TRMU: variants seen among roughly 807,000 people sequenced by gnomAD.
TRMU encodes the protein tRNA mitochondrial 2-thiouridylase.
In TRMU, 49 loss-of-function variants were observed where a neutral mutation model predicts 46.9. The observed-to-expected ratio is 1.05, with a 90% CI of 0.83 to 1.33. The LOEUF (loss-of-function observed/expected upper bound fraction) is 1.33, where lower values mean the gene tolerates loss of function less well. Ranked by LOEUF, TRMU falls within the 40% of genes most tolerant of loss-of-function variation. The pLI is 0.00. For synonymous variants in TRMU, 241 were observed against 200.9 expected, an observed-to-expected ratio of 1.20 and a Z score of -1.69; for missense variants, 572 against 532.4, an observed-to-expected ratio of 1.07 and a Z score of -0.73.
rs1410068936 is a variant in TRMU, at chr22:46,348,625, C to G, written c.479-1666C>G. ...CGGCAGCCGGCGTGTCAGTGAGGCT[C>G]CAGCACAGGCAGCCTCCTCCAAATG... On this transcript the variant is annotated intron_variant, in intron 4 of 10. Transcript: ENST00000645190. The surrounding 1 kb of genome is among the most constrained non-coding windows in gnomAD (Gnocchi z 4.8). 6.6e-6 allele frequency among the ~76,000 whole-genome samples: 1 copy of G among 152,248 alleles called. No individual in the cohort carries two copies. The highest frequency in any genetic ancestry group is 1.9e-4 in the East Asian group (1 of 5,200).
rs2078356070 is a variant in TRMU at position 46,349,731 on chromosome 22, C to G, written c.479-560C>G. On this transcript the variant is annotated intron_variant, in intron 4 of 10. Coordinates refer to ENST00000645190, the MANE Select transcript of TRMU (RefSeq NM_018006.5). This position sits in a 1 kb window ranked among gnomAD's most constrained non-coding sequence, Gnocchi z 4.6. Reference sequence around the variant, plus strand: ...AACTGCAGGGTCACCTAACAGATGTCAGCTGAGACTCTCAACAAAAAAACG... The same window carrying G: ...AACTGCAGGGTCACCTAACAGATGTGAGCTGAGACTCTCAACAAAAAAACG... 1.3e-5 allele frequency among the ~76,000 whole-genome samples: 2 copies of G among 152,206 alleles called. No homozygotes were observed. The highest frequency in any genetic ancestry group is 4.8e-5 in the African/African-American group (2 of 41,444).
At position 46,347,852 on chromosome 22, in the gene TRMU, C is replaced by A. The variant is rs1569074197; in HGVS notation, c.478+1308C>A. Among the ~76,000 whole-genome samples, 1 of 152,210 alleles carries A rather than the reference C, an allele frequency of 6.6e-6. No homozygotes were observed. Among genetic ancestry groups the A allele is most frequent in the Non-Finnish European group, 1.5e-5 (1 of 68,022 alleles). ...GGCCCCAGCTGAGTTCTTTCCTCAG[C>A]GTTGCTGAGCCCATCCTGAAGGCTG... On this transcript the variant is annotated intron_variant, in intron 4 of 10. Coordinates refer to ENST00000645190, the MANE Select transcript of TRMU (RefSeq NM_018006.5). The surrounding 1 kb of genome is among the most constrained non-coding windows in gnomAD (Gnocchi z 5.0).
chr22:46,357,208 A>G lies in TRMU; in HGVS notation c.*202A>G, dbSNP rs530423000. ...AGGCTGGGGCTCTGGCTGCTGGAGC[A>G]TCTGCTGGCTGGTGGGGTGGCCCGA... is the stretch of plus-strand genomic sequence containing the variant. On this transcript the variant is annotated 3_prime_UTR_variant, in exon 11 of 11. Transcript: ENST00000645190. The G allele has an allele frequency of 7.9e-4, 552 of 697,530 alleles. 1 individual carries two copies. In the African/African-American group the frequency reaches 8.2e-3, roughly 10 times the overall value. 43.2% of individuals were successfully genotyped at this position (697,530 alleles called of 1,614,324 possible). A position where few individuals can be genotyped will look rare whatever the true frequency, so the allele number is the denominator to read the frequency against.
Position 46,348,702 on chromosome 22 carries a change from C to T in TRMU, c.479-1589C>T, listed in dbSNP as rs1259524186. Reference sequence around the variant, plus strand: ...CTCTATAGCAGTTCAGTTAGGGTCGCCAGCTTGCTTTTTTGAAAATCATAG... The same window carrying T: ...CTCTATAGCAGTTCAGTTAGGGTCGTCAGCTTGCTTTTTTGAAAATCATAG... On this transcript the variant is annotated intron_variant, in intron 4 of 10. Coordinates refer to ENST00000645190, the MANE Select transcript of TRMU (RefSeq NM_018006.5). This position sits in a 1 kb window ranked among gnomAD's most constrained non-coding sequence, Gnocchi z 4.8. Among the ~76,000 whole-genome samples, 1 of 152,222 alleles carries T rather than the reference C, an allele frequency of 6.6e-6. No homozygotes were observed. Among genetic ancestry groups the T allele is most frequent in the African/African-American group, 2.4e-5 (1 of 41,454 alleles).
intron 3 of TRMU, among the ~76,000 whole-genome samples, chr22:46,343,904 A>G (rs1312175709): frequency 1.3e-5 from 2 of 152,146 alleles, no homozygotes; most frequent in East Asian, 3.8e-4. Flanking sequence ...GGGGCCCAGT[A>G]GTGTCGGCAC....
At position 46,351,470 on chromosome 22, in the gene TRMU, G is replaced by A. The variant is rs757327439; in HGVS notation, c.652-651G>A. On this transcript the variant is annotated intron_variant, in intron 5 of 10. Transcript: ENST00000645190. This position sits in a 1 kb window ranked among gnomAD's most constrained non-coding sequence, Gnocchi z 6.4. ...TGTTGCTCCTTCGTGTCTCTTCCTG[G>A]TAATGGAAACGGCCATACCTTTCAT... Among the ~76,000 whole-genome samples, 2 of 152,228 alleles carry A rather than the reference G, an allele frequency of 1.3e-5. No individual in the cohort carries two copies. The highest frequency in any genetic ancestry group is 1.9e-4 in the East Asian group (1 of 5,176).
In TRMU at chr22:46,353,826, T is replaced by C. The variant is rs2078511475; in HGVS notation, c.832T>C (p.Tyr278His). 6.2e-7 allele frequency: 1 copy of C among 1,614,024 alleles called. No homozygotes were observed. Among genetic ancestry groups the C allele is most frequent in the Admixed American group, 1.7e-5 (1 of 60,022 alleles). Residue 278 changes from tyrosine (Y) to histidine (H), a missense_variant, in exon 8 of 11, where the codon TAC becomes CAC. Physicochemically the swap from Tyr to His is moderately conservative, Grantham distance 83 (BLOSUM62 2). Coordinates refer to ENST00000645190, the MANE Select transcript of TRMU (RefSeq NM_018006.5). Reference sequence around the variant, plus strand: ...CATAGGTGGCCTGAGAGAGCCCTGGTACGTGGTGGAGAAGGACAGCGTCAA... The same window carrying C: ...CATAGGTGGCCTGAGAGAGCCCTGGCACGTGGTGGAGAAGGACAGCGTCAA... Reference protein sequence around the residue: ...ANIGGLREPWYVVEKDSVKGD... With the variant: ...ANIGGLREPWHVVEKDSVKGD...
chr22:46,347,741 C>T lies in TRMU; in HGVS notation c.478+1197C>T, dbSNP rs1166697882. 6.6e-6 allele frequency among the ~76,000 whole-genome samples: 1 copy of T among 152,204 alleles called. No individual in the cohort carries two copies. The highest frequency in any genetic ancestry group is 2.4e-5 in the African/African-American group (1 of 41,446). ...GAGGAAACCGAGGCCCGGATGAAGC[C>T]ATCTGACCTGGGTCCCTCGGGTGGC... On this transcript the variant is annotated intron_variant, in intron 4 of 10. Coordinates refer to ENST00000645190, the MANE Select transcript of TRMU (RefSeq NM_018006.5). The surrounding 1 kb of genome is among the most constrained non-coding windows in gnomAD (Gnocchi z 5.0).
rs373413619 is a variant in TRMU at position 46,337,959 on chromosome 22, C to T, written c.248+15C>T. The T allele has an allele frequency of 1.2e-5, 19 of 1,613,726 alleles. 1 individual carries two copies. The African/African-American group carries it at 2.4e-4, about 20-fold the overall frequency. ...GATGTGTTCAGGTGAGTGCGGGTCA[C>T]AGCACAAAGGAAGCTTCCTCACACT... On this transcript the variant is annotated intron_variant, in intron 2 of 10. Coordinates refer to ENST00000645190, the MANE Select transcript of TRMU (RefSeq NM_018006.5).
Position 46,357,017 on chromosome 22 carries a change from T to C in TRMU, c.*11T>C. 6.2e-7 allele frequency: 1 copy of C among 1,613,272 alleles called. No homozygotes were observed. Among genetic ancestry groups the C allele is most frequent in the Non-Finnish European group, 8.5e-7 (1 of 1,179,966 alleles). On this transcript the variant is annotated 3_prime_UTR_variant, in exon 11 of 11. Coordinates refer to ENST00000645190, the MANE Select transcript of TRMU (RefSeq NM_018006.5). ...AGTCCCTTGCTCTGACAGAGATGGA[T>C]CTGCTAGAAGGAACCTGGAGAGCAG...
In TRMU at chr22:46,353,810, C is replaced by T; in HGVS notation, c.816C>T (p.Gly272=). The change falls in exon 8 of 11, where the codon GGC becomes GGT. Residue 272 remains glycine (G), a synonymous_variant. Transcript: ENST00000645190. ...YTLGQRANIG[G]LREPWYVVEK... is the part of the protein sequence containing the mutation. ...TGGGCCAGAGAGCAAACATAGGTGG[C>T]CTGAGAGAGCCCTGGTACGTGGTGG... 1.2e-6 allele frequency: 2 copies of T among 1,613,920 alleles called. No homozygotes were observed. The highest frequency in any genetic ancestry group is 1.7e-6 in the Non-Finnish European group (2 of 1,179,886).
chr22:46,354,519 C>T (rs1031439650), intron 8 of TRMU: 3 of 153,734 alleles, frequency 2.0e-5, no homozygotes, highest in Admixed American at 6.4e-5. Context: ...CACCTTGGCG[C>T]GTGGAGCTGA....
chr22:46,353,375 T>G (rs1029109956), intron 7 of TRMU: 1 of 299,108 alleles, frequency 3.3e-6, no homozygotes, highest in Non-Finnish European at 6.7e-6. Flanking sequence ...GTAGCCCTGA[T>G]GCAGTTACTG....
At position 46,336,206 on chromosome 22, in the gene TRMU, G is replaced by C; in HGVS notation, c.82+360G>C. The C allele has an allele frequency of 1.8e-6, 2 of 1,100,514 alleles. No homozygotes were observed. The highest frequency in any genetic ancestry group is 6.7e-5 in the East Asian group (1 of 14,928). The allele number at this position is 1,100,514 out of a possible 1,614,324, so 68.2% of individuals were successfully genotyped here. A position where few individuals can be genotyped will look rare whatever the true frequency, so the allele number is the denominator to read the frequency against. On this transcript the variant is annotated intron_variant, in intron 1 of 10. Transcript: ENST00000645190. This position sits in a 1 kb window ranked among gnomAD's most constrained non-coding sequence, Gnocchi z 4.1. ...GTGAGACCGTGGACACTGGTGAGGG[G>C]AGCTGGGATCGCCGGGCCGGGGGCC...
rs748270081 is a variant in TRMU at position 46,348,996 on chromosome 22, G to A, written c.479-1295G>A. ...ACAAATACAAAAAAAAAAGTTAGCCGAGTATGGTGGCACATGCCTGTAGTC... is the reference window on the plus strand; with the variant it reads ...ACAAATACAAAAAAAAAAGTTAGCCAAGTATGGTGGCACATGCCTGTAGTC... On this transcript the variant is annotated intron_variant, in intron 4 of 10. Transcript: ENST00000645190. This position sits in a 1 kb window ranked among gnomAD's most constrained non-coding sequence, Gnocchi z 4.8. 1.3e-4 allele frequency among the ~76,000 whole-genome samples: 20 copies of A among 152,058 alleles called. No homozygotes were observed. The highest frequency in any genetic ancestry group is 2.9e-4 in the African/African-American group (12 of 41,408).
rs114168059 is a variant in TRMU, at chr22:46,341,103, G to A, written c.249-2159G>A. Among the ~76,000 whole-genome samples, 476 of 152,322 alleles carry A rather than the reference G, an allele frequency of 3.1e-3. 3 individuals carry two copies. Among genetic ancestry groups the A allele is most frequent in the African/African-American group, 9.5e-3 (395 of 41,564 alleles). ...AGTCTTTTAAATCTGTCTCCCTCCC[G>A]AGGCACATGAAAGGCTTCTCTTCTT... On this transcript the variant is annotated intron_variant, in intron 2 of 10. Coordinates refer to ENST00000645190, the MANE Select transcript of TRMU (RefSeq NM_018006.5).
chr22:46,341,102 C>T (rs527280767), intron 2 of TRMU, among the ~76,000 whole-genome samples: 5 of 152,344 alleles, frequency 3.3e-5, no homozygotes, highest in East Asian at 1.9e-4. Flanking sequence ...GTCTCCCTCC[C>T]GAGGCACATG....
intron 3 of TRMU, among the ~76,000 whole-genome samples, chr22:46,345,876 TC>T (rs2078242872): frequency 1.3e-5 from 2 of 151,424 alleles, no homozygotes; most frequent in Admixed American, 6.6e-5. Context: ...GAAGCAATCC[TC>T]CCACCTCAGC....
chr22:46,341,712 T>C (rs1259887009), intron 2 of TRMU, among the ~76,000 whole-genome samples: 2 of 152,224 alleles, frequency 1.3e-5, no homozygotes, highest in Non-Finnish European at 2.9e-5. Context: ...GACTATGAAA[T>C]TCTTGGTAAG....
Sources: gnomAD v4.1 joint callset for allele counts (sites outside exome capture counted in the v4.1 genomes callset) on GRCh38, gnomAD v4.1.1 for gene constraint, Gnocchi (gnomAD v3.1) non-coding constraint, MANE v1.5 for transcripts, NCBI Gene and HGNC (gene_info 2026-07-23, HGNC 2026-07-21) for gene names.